The following NEB variants were observed in gnomAD, a reference collection of about 807,000 sequenced individuals.
NEB encodes the protein nebulin.
In NEB, 512 loss-of-function variants were observed where a neutral mutation model predicts 952.2. That is an observed-to-expected ratio of 0.54 (90% CI 0.50 to 0.58). The LOEUF is 0.58. Ranked by LOEUF, NEB falls within the 20% of genes least tolerant of loss-of-function variation. The pLI is 0.00. For missense variants in NEB, 8,428 were observed against 9,231.1 expected (o/e 0.91, Z 3.56); for synonymous variants, 2,900 against 3,149.8 (o/e 0.92, Z 2.66).
intron 135 of NEB, among the ~76,000 whole-genome samples, chr2:151,545,112 CAGATGAA>C (rs1040606731): frequency 2.0e-5 from 3 of 152,114 alleles, no homozygotes; most frequent in Non-Finnish European, 4.4e-5. Context: ...GCCTCAATGC[CAGATGAA>C]AATGAAACTA....
intron 32 of NEB, 136 bp from the exon 33 acceptor site, chr2:151,678,323 G>A (rs1327508015): frequency 3.4e-6 from 2 of 595,002 alleles, no homozygotes; most frequent in South Asian, 4.9e-5. Context: ...CAATTCACTT[G>A]CATATGCTCT....
intron 173 of NEB, among the ~76,000 whole-genome samples, chr2:151,495,843 CTT>C (rs1418379760): frequency 6.6e-6 from 1 of 152,138 alleles, no homozygotes; most frequent in South Asian, 2.1e-4. Context: ...CCCAAGGTCT[CTT>C]TGTCCAAATC....
intron 153 of NEB, among the ~76,000 whole-genome samples, chr2:151,523,476 A>C (rs1208798123): frequency 6.6e-6 from 1 of 152,222 alleles, no homozygotes; most frequent in Non-Finnish European, 1.5e-5. Context: ...CAGATACCTG[A>C]GAGGACAAGG....
chr2:151,643,291 G>C lies in NEB; in HGVS notation c.8019C>G (p.Leu2673=), dbSNP rs755883171. The change falls in exon 58 of 182, where the codon CTC becomes CTG. Residue 2673 remains leucine, a synonymous_variant. Transcript: ENST00000397345. ...TGGCTCGTTTATTTTTCTCATCCTC[G>C]AGAGAACCACTAGTCATCCAGCCAA... ...KGIGWMTSGS[L]EDEKNKRATQ... The C allele has an allele frequency of 2.5e-6, 4 of 1,613,810 alleles. No homozygotes were observed. The highest frequency in any genetic ancestry group is 2.5e-6 in the Non-Finnish European group (3 of 1,179,846).
chr2:151,500,262 A>AACTT (rs1163482157), intron 168 of NEB, among the ~76,000 whole-genome samples: 1 of 152,146 alleles, frequency 6.6e-6, no homozygotes, highest in Non-Finnish European at 1.5e-5. Context: ...CAAAGAATCA[A>AACTT]ACTTTTAGAA....
rs1267279932 is a variant in NEB, at chr2:151,697,161, T to C, written c.1457A>G (p.Asp486Gly). 6.2e-7 allele frequency: 1 copy of C among 1,612,560 alleles called. No individual in the cohort carries two copies. The highest frequency in any genetic ancestry group is 2.2e-5 in the East Asian group (1 of 44,870). The change falls in exon 16 of 182, where the codon GAT becomes GGT. Residue 486 changes from aspartate (D) to glycine (G), a missense_variant. Around this residue, in one of 11 missense-constraint regions of NEB, gnomAD observed 2,851 missense variants for 2,791.5 expected, o/e 1.02. Coordinates refer to ENST00000397345, the MANE Select transcript of NEB (RefSeq NM_001164508.2). ...TQEYEAIKKL[D>G]QCKDHTYKVH... ...CTACAGACTTACGTCTTTACACTGA[T>C]CTAGTTTCTTAATTGCTTCATATTC...
At chr2:151,657,858 G>T in intron 48 of NEB, 125 bp downstream of exon 48, 1 of 700,554 alleles carries the variant, frequency 1.4e-6, no homozygotes. Context: ...AGGTTAAGAA[G>T]CATTCACAGA....
At chr2:151,533,670 T>C in intron 142 of NEB, 124 bp from the exon 143 acceptor site, 1 of 631,502 alleles carries the variant, frequency 1.6e-6, no homozygotes, top group Non-Finnish European at 2.8e-6. Context: ...TACTCACATA[T>C]GTGCGGGTGA....
intron 68 of NEB, 138 bp from the exon 69 acceptor site, chr2:151,627,972 A>G: frequency 1.7e-6 from 2 of 1,191,626 alleles, no homozygotes; most frequent in Non-Finnish European, 2.3e-6. Context: ...TTATCTCCTC[A>G]TCCTAAATTC....
At position 151,656,331 on chromosome 2, in the gene NEB, T is replaced by C. The variant is rs1247078145; in HGVS notation, c.6317A>G (p.Tyr2106Cys). 5.6e-6 allele frequency: 9 copies of C among 1,613,594 alleles called. No individual in the cohort carries two copies. In the Middle Eastern group the frequency reaches 4.9e-4, roughly 88 times the overall value. ...MQSDREYKKN[Y>C]ENTKTSYHTP... ...GTGGTAGCTGGTCTTTGTGTTCTCA[T>C]AGTTTTTCTTGTACTCCCGATCAGA... is the stretch of plus-strand genomic sequence containing the variant. The change falls in exon 49 of 182, where the codon TAT becomes TGT. Residue 2106 changes from tyrosine (Y) to cysteine (C), a missense_variant. Physicochemically the swap from Tyr to Cys is radical, Grantham distance 194 (BLOSUM62 -2). Coordinates refer to ENST00000397345, the MANE Select transcript of NEB (RefSeq NM_001164508.2).
intron 73 of NEB, among the ~76,000 whole-genome samples, chr2:151,618,921 A>G (rs1363295086): frequency 6.6e-6 from 1 of 152,164 alleles, no homozygotes; most frequent in Non-Finnish European, 1.5e-5. Flanking sequence ...TGTTACAGAG[A>G]TATGTTTGGT....
intron 36 of NEB, among the ~76,000 whole-genome samples, chr2:151,674,120 C>CT (rs1488106528): frequency 6.6e-6 from 1 of 152,068 alleles, no homozygotes; most frequent in Non-Finnish European, 1.5e-5. Context: ...TCTTTTCAAT[C>CT]TTTTTAATAC....
intron 181 of NEB, 31 bp from the exon 182 acceptor site, chr2:151,485,964 T>C (rs757923442): frequency 6.2e-7 from 1 of 1,607,912 alleles, no homozygotes; most frequent in South Asian, 1.1e-5. Flanking sequence ...GGGGAAATAT[T>C]ATATGTTGGA....
At chr2:151,503,637 A>G (rs2066466658) in intron 165 of NEB, among the ~76,000 whole-genome samples, 196 bp from the exon 166 acceptor site, 1 of 152,200 alleles carries the variant, frequency 6.6e-6, no homozygotes, top group Non-Finnish European at 1.5e-5. Context: ...TACTACTTTG[A>G]AAACTGGGCA....
Position 151,499,390 on chromosome 2 carries a change from C to G in NEB, c.24022G>C (p.Val8008Leu), listed in dbSNP as rs1160766383. 1 of 1,512,274 alleles carries G rather than the reference C, an allele frequency of 6.6e-7. No individual in the cohort carries two copies. The highest frequency in any genetic ancestry group is 1.4e-5 in the African/African-American group (1 of 72,144). 93.7% of individuals were successfully genotyped at this position (1,512,274 alleles called of 1,614,324 possible). A position where few individuals can be genotyped will look rare whatever the true frequency, so the allele number is the denominator to read the frequency against. ...VKLNQENFSS[V>L]LYKENVGKGI... ...TTTCCAACGTTTTCTTTATACAACA[C>G]CTGTATGACACAAGAAAGCATCCAG... Residue 8008 changes from valine (V) to leucine (L), a missense_variant and splice_region_variant, in exon 169 of 182, where the codon GTG (valine) becomes CTG (leucine). By Grantham distance (32) the Val-to-Leu change is conservative (BLOSUM62 1). Transcript: ENST00000397345.
intron 119 of NEB, 107 bp from the exon 120 acceptor site, chr2:151,562,915 A>C: frequency 1.8e-6 from 1 of 556,212 alleles, no homozygotes; most frequent in South Asian, 3.6e-5. Flanking sequence ...CTCTAGAATA[A>C]ACTAAGGTTA....
chr2:151,651,992 A>C (rs1466948153), intron 52 of NEB, among the ~76,000 whole-genome samples: 1 of 152,202 alleles, frequency 6.6e-6, no homozygotes, highest in Non-Finnish European at 1.5e-5. Context: ...AATTACAAAT[A>C]GAATGATCAG....
chr2:151,531,157 A>C, intron 144 of NEB, 56 bp from the exon 145 acceptor site: 6 of 1,174,236 alleles, frequency 5.1e-6, no homozygotes, highest in Non-Finnish European at 7.5e-6. Context: ...GTATAATATC[A>C]AAATATAAAT....
At chr2:151,508,478 T>C (rs530092023) in intron 161 of NEB, among the ~76,000 whole-genome samples, 3 of 152,326 alleles carry the variant, frequency 2.0e-5, no homozygotes, top group African/African-American at 7.2e-5. Flanking sequence ...TGAAGCTATG[T>C]AGCCAGACTG....
Sources: allele counts gnomAD v4.1 joint callset (sites outside exome capture counted in the v4.1 genomes callset), GRCh38; gene constraint gnomAD v4.1.1; regional missense constraint gnomAD v4.1.1; transcripts MANE v1.5; gene names NCBI Gene and HGNC (gene_info 2026-07-23, HGNC 2026-07-21).